TRIM54: variants seen among roughly 807,000 people sequenced by gnomAD.
The protein encoded by TRIM54 is tripartite motif containing 54.
Under a neutral mutation model 42.0 loss-of-function variants are expected in TRIM54, and 40 were observed. The observed-to-expected ratio is 0.95, with a 90% CI of 0.74 to 1.24. TRIM54 has a LOEUF of 1.24. Ranked by LOEUF, TRIM54 falls within the 50% of genes most tolerant of loss-of-function variation. The pLI is 0.00. For missense variants in TRIM54, 485 were observed against 480.3 expected, an observed-to-expected ratio of 1.01 and a Z score of -0.09; for synonymous variants, 199 against 194.9, an observed-to-expected ratio of 1.02 and a Z score of -0.17.
At chr2:27,286,884 T>A (rs1041445495) in intron 1 of TRIM54, among the ~76,000 whole-genome samples, 2 of 152,198 alleles carry the variant, frequency 1.3e-5, no homozygotes, top group Non-Finnish European at 2.9e-5. Context: ...CCAGAGAAGA[T>A]CCTACCCAGC....
intron 3 of TRIM54, 176 bp downstream of exon 3, chr2:27,299,592 C>T (rs1390905660): frequency 7.3e-7 from 1 of 1,378,596 alleles, no homozygotes; most frequent in Non-Finnish European, 9.9e-7. Flanking sequence ...CTTACTGCAG[C>T]CTTGATCTCC....
chr2:27,305,528 T>C lies in TRIM54; in HGVS notation c.610-56T>C, dbSNP rs1679169589. 4.1e-6 allele frequency: 6 copies of C among 1,465,944 alleles called. No individual in the cohort carries two copies. The Admixed American group carries it at 9.5e-5, about 23-fold the overall frequency. 90.8% of individuals were successfully genotyped at this position (1,465,944 alleles called of 1,614,324 possible). On this transcript the variant is annotated intron_variant, in intron 4 of 8. Transcript: ENST00000380075. ...GGTTCTCTGTGAGTACCCTGTGCTTTCCCAGCCACCGGGTCTCAGCCACGC... is the reference window on the plus strand; with the variant it reads ...GGTTCTCTGTGAGTACCCTGTGCTTCCCCAGCCACCGGGTCTCAGCCACGC...
rs1678939596 is a variant in TRIM54 at position 27,298,709 on chromosome 2, T to TGCTG, written c.311_312insGCTG (p.Ile104MetfsTer19). 3 of 1,613,828 alleles carry TGCTG rather than the reference T, an allele frequency of 1.9e-6. No homozygotes were observed. The highest frequency in any genetic ancestry group is 2.5e-6 in the Non-Finnish European group (3 of 1,179,954). Reference sequence around the variant, plus strand: ...CAGCGAAACCTGCTAGTGGAGAACATTATCGACATTTACAAGCAGGAGTCA... The same window carrying TGCTG: ...CAGCGAAACCTGCTAGTGGAGAACATGCTGTATCGACATTTACAAGCAGGAGTCA... On this transcript the variant is annotated frameshift_variant, in exon 2 of 9. Coordinates refer to ENST00000380075, the MANE Select transcript of TRIM54 (RefSeq NM_187841.3). LOFTEE classifies it high-confidence loss of function.
At position 27,306,635 on chromosome 2, in the gene TRIM54, T is replaced by C. The variant is rs1679225120; in HGVS notation, c.*1+93T>C. On this transcript the variant is annotated intron_variant, in intron 8 of 8. Coordinates refer to ENST00000380075, the MANE Select transcript of TRIM54 (RefSeq NM_187841.3). The surrounding 1 kb of genome is among the most constrained non-coding windows in gnomAD (Gnocchi z 6.1). ...GTGCTCGCGTCCCCTCCCCCAGTGA[T>C]TGCCCTCCCTGCGGGTAGCGTGGAG... 2 of 1,274,010 alleles carry C rather than the reference T, an allele frequency of 1.6e-6. No individual in the cohort carries two copies. The highest frequency in any genetic ancestry group is 2.8e-5 in the Admixed American group (1 of 35,632). 78.9% of individuals were successfully genotyped at this position (1,274,010 alleles called of 1,614,324 possible).
intron 1 of TRIM54, among the ~76,000 whole-genome samples, chr2:27,292,603 A>G (rs948758841): frequency 2.0e-5 from 3 of 152,196 alleles, no homozygotes. Flanking sequence ...TTAAATGTAC[A>G]GTTCAATGGC....
chr2:27,300,151 AT>A (rs936480292), intron 3 of TRIM54, among the ~76,000 whole-genome samples: 9 of 151,510 alleles, frequency 5.9e-5, no homozygotes, highest in East Asian at 1.9e-4. Flanking sequence ...TAATTATTTT[AT>A]TTTATTTATT....
At chr2:27,305,320 C>T (rs936210378) in intron 4 of TRIM54, 8 of 584,390 alleles carry the variant, frequency 1.4e-5, no homozygotes, top group African/African-American at 3.7e-5. Context: ...ACACCAGCTA[C>T]CTCATGGGTT....
At chr2:27,305,459 C>T (rs900442009) in intron 4 of TRIM54, 125 bp from the exon 5 acceptor site, 2 of 743,662 alleles carry the variant, frequency 2.7e-6, no homozygotes, top group Non-Finnish European at 4.4e-6. Flanking sequence ...TCTGGCTCAG[C>T]CACTAACTCA....
chr2:27,297,172 C>A (rs961746405), intron 1 of TRIM54, among the ~76,000 whole-genome samples: 7 of 152,202 alleles, frequency 4.6e-5, no homozygotes, highest in Admixed American at 3.3e-4. Flanking sequence ...CTGCATCTCC[C>A]CACACATAGA....
intron 3 of TRIM54, among the ~76,000 whole-genome samples, chr2:27,302,797 T>C (rs1425080306): frequency 6.6e-6 from 1 of 151,788 alleles, no homozygotes; most frequent in Non-Finnish European, 1.5e-5. Flanking sequence ...GTCTCGAAAA[T>C]AAAATAAAAG....
rs1678416279 is a variant in TRIM54, at chr2:27,282,731, G to A, written c.-1G>A. Reference sequence around the variant, plus strand: ...CCAGGCCAGGCACGACCACCGAGGGGATGAACTTCACAGTGGGTTTCAAGC... The same window carrying A: ...CCAGGCCAGGCACGACCACCGAGGGAATGAACTTCACAGTGGGTTTCAAGC... On this transcript the variant is annotated 5_prime_UTR_variant, in exon 1 of 9. Transcript: ENST00000380075. 1 of 1,611,330 alleles carries A rather than the reference G, an allele frequency of 6.2e-7. No homozygotes were observed. The highest frequency in any genetic ancestry group is 8.5e-7 in the Non-Finnish European group (1 of 1,178,722).
chr2:27,305,366 A>T, intron 4 of TRIM54: 1 of 590,102 alleles, frequency 1.7e-6, no homozygotes, highest in African/African-American at 1.9e-5. Context: ...GCAAATAAAA[A>T]CCAGGGCTAG....
chr2:27,283,779 C>CGT (rs1491255914), intron 1 of TRIM54, among the ~76,000 whole-genome samples: 6 of 79,932 alleles, frequency 7.5e-5, no homozygotes, highest in Admixed American at 5.0e-4. Context: ...CACACACACA[C>CGT]GCGCGCACAC....
At chr2:27,289,407 C>T (rs781056830) in intron 1 of TRIM54, among the ~76,000 whole-genome samples, 26 of 152,124 alleles carry the variant, frequency 1.7e-4, no homozygotes, top group Non-Finnish European at 2.2e-4. Flanking sequence ...ACCTCTGCCT[C>T]CCGGGTTCAA....
In TRIM54 at chr2:27,283,807, C is replaced by CACACACACACACAT. The variant is rs1319619139; in HGVS notation, c.168+921_168+922insTACACACACACACA. 2.0e-5 allele frequency among the ~76,000 whole-genome samples: 3 copies of CACACACACACACAT among 150,736 alleles called. No homozygotes were observed. In the South Asian group the frequency reaches 6.3e-4, roughly 32 times the overall value. On this transcript the variant is annotated intron_variant, in intron 1 of 8. Coordinates refer to ENST00000380075, the MANE Select transcript of TRIM54 (RefSeq NM_187841.3). Reference sequence around the variant, plus strand: ...GCGCACACACACACACACACACACACACACACACACACACGGCCTTGCCGT... The same window carrying CACACACACACACAT: ...GCGCACACACACACACACACACACACACACACACACACATACACACACACACACGGCCTTGCCGT...
intron 1 of TRIM54, among the ~76,000 whole-genome samples, chr2:27,294,581 A>G (rs963358026): frequency 6.6e-6 from 1 of 152,042 alleles, no homozygotes; most frequent in Non-Finnish European, 1.5e-5. Context: ...TCATCCTTGA[A>G]ATGGGGCTAA....
At chr2:27,290,809 T>C (rs1678699538) in intron 1 of TRIM54, among the ~76,000 whole-genome samples, 1 of 152,196 alleles carries the variant, frequency 6.6e-6, no homozygotes, top group Admixed American at 6.5e-5. Flanking sequence ...TATATTGTGC[T>C]CCATTAAATG....
chr2:27,305,784 C>A lies in TRIM54; in HGVS notation c.810C>A (p.Ser270=), dbSNP rs765031321. The A allele has an allele frequency of 1.9e-6, 3 of 1,609,114 alleles. No individual in the cohort carries two copies. The Admixed American group carries it at 5.0e-5, about 27-fold the overall frequency. The change falls in exon 5 of 9, where the codon TCC becomes TCA. Residue 270 remains serine, a synonymous_variant. Transcript: ENST00000380075. ...AGCTGGTGGAGTCTGCCATCCAGTC[C>A]ATGGAAGAGCCACAAATGGCGCTGT... ...SSKLVESAIQ[S]MEEPQMALYL...
chr2:27,299,675 C>CTATCTAT (rs1678973674), intron 3 of TRIM54: 11 of 579,590 alleles, frequency 1.9e-5, no homozygotes, highest in Non-Finnish European at 3.4e-5. Context: ...CGCACTCAGC[C>CTATCTAT]CTATCTATCT....
Sources: gnomAD v4.1 joint callset for allele counts (sites outside exome capture counted in the v4.1 genomes callset) on GRCh38, gnomAD v4.1.1 for gene constraint, Gnocchi (gnomAD v3.1) non-coding constraint, MANE v1.5 for transcripts, NCBI Gene and HGNC (gene_info 2026-07-23, HGNC 2026-07-21) for gene names.